DNASE2B: variants seen among roughly 807,000 people sequenced by gnomAD.
The protein encoded by DNASE2B is deoxyribonuclease 2 beta, also known as deoxyribonuclease-2-beta.
In DNASE2B, 43 loss-of-function variants were observed where a neutral mutation model predicts 46.0. The observed-to-expected ratio is 0.94, with a 90% CI of 0.73 to 1.21. DNASE2B has a LOEUF of 1.21. Among genes scored for constraint, DNASE2B ranks in the 50% most tolerant of loss-of-function variants. DNASE2B has a pLI of 0.00. For synonymous variants in DNASE2B, 156 were observed against 152.5 expected (o/e 1.02, Z -0.17); for missense variants, 395 against 414.4 (o/e 0.95, Z 0.41).
intron 2 of DNASE2B, among the ~76,000 whole-genome samples, chr1:84,406,286 A>T (rs1680489235): frequency 6.6e-6 from 1 of 152,176 alleles, no homozygotes; most frequent in Admixed American, 6.5e-5. Context: ...GTTCCTTTCC[A>T]CATCAACGAG....
At chr1:84,411,068 AAATGTGT>A in intron 4 of DNASE2B, 69 bp downstream of exon 4, 1 of 1,465,290 alleles carries the variant, frequency 6.8e-7, no homozygotes, top group Non-Finnish European at 9.3e-7. Flanking sequence ...ATATATTCAT[AAATGTGT>A]CACTTCATTT....
rs1167951705 is a variant in DNASE2B at position 84,411,018 on chromosome 1, A to AG, written c.547+20dup. On this transcript the variant is annotated intron_variant, in intron 4 of 5. Transcript: ENST00000370665. ...GCAATAGGTAAAACTAAAGTATGTG[A>AG]GAAAAAAAACGATAACTATGTTGAA... The AG allele has an allele frequency of 6.5e-7, 1 of 1,545,830 alleles. No individual in the cohort carries two copies. The highest frequency in any genetic ancestry group is 1.6e-5 in the African/African-American group (1 of 62,216).
intron 1 of DNASE2B, among the ~76,000 whole-genome samples, chr1:84,399,643 G>A (rs1431927527): frequency 6.6e-6 from 1 of 152,180 alleles, no homozygotes; most frequent in Non-Finnish European, 1.5e-5. Context: ...AAGGAGCAAT[G>A]AGGAGGTAGA....
chr1:84,398,730 C>T (rs1680349663), intron 1 of DNASE2B, 41 bp downstream of exon 1: 1 of 1,609,976 alleles, frequency 6.2e-7, no homozygotes, highest in African/African-American at 1.3e-5. Context: ...TGCAAACAGC[C>T]TCGGTACAGA....
intron 2 of DNASE2B, among the ~76,000 whole-genome samples, chr1:84,403,089 T>G (rs1680448034): frequency 6.6e-6 from 1 of 152,230 alleles, no homozygotes; most frequent in Non-Finnish European, 1.5e-5. Flanking sequence ...GTAGGCTATT[T>G]GAGAACATGT....
At chr1:84,406,067 G>T (rs1680486640) in intron 2 of DNASE2B, among the ~76,000 whole-genome samples, 1 of 149,828 alleles carries the variant, frequency 6.7e-6, no homozygotes. Flanking sequence ...TGGTTCATCT[G>T]TGAGTTTTTT....
Position 84,414,992 on chromosome 1 carries a change from C to T in DNASE2B, c.*124C>T, listed in dbSNP as rs536690001. 4 of 676,346 alleles carry T rather than the reference C, an allele frequency of 5.9e-6. No homozygotes were observed. The East Asian group carries it at 1.1e-4, about 19-fold the overall frequency. 41.9% of individuals were successfully genotyped at this position (676,346 alleles called of 1,614,324 possible). A position where few individuals can be genotyped will look rare whatever the true frequency, so the allele number is the denominator to read the frequency against. On this transcript the variant is annotated 3_prime_UTR_variant, in exon 6 of 6. Coordinates refer to ENST00000370665, the MANE Select transcript of DNASE2B (RefSeq NM_021233.3). ...ATAACCTGCATATCACAAAATAAAA[C>T]ATTTTTCTCTCATGTTTACCATTTA...
rs575571504 is a variant in DNASE2B, at chr1:84,411,986, C to T, written c.548-363C>T. Among the ~76,000 whole-genome samples, 647 of 152,110 alleles carry T rather than the reference C, an allele frequency of 4.3e-3. 6 individuals are homozygous for T. Among genetic ancestry groups the T allele is most frequent in the Non-Finnish European group, 6.1e-3 (414 of 68,004 alleles). The stretch of plus-strand genomic sequence containing the variant: ...TCTCCAAGGCCAAATTACCTGGGTT[C>T]GAATATCAATTTCATCAATTACAAA... On this transcript the variant is annotated intron_variant, in intron 4 of 5. Transcript: ENST00000370665.
Position 84,414,548 on chromosome 1 carries a change from G to A in DNASE2B, c.766G>A (p.Ala256Thr). Residue 256 changes from alanine (A) to threonine (T), a missense_variant, in exon 6 of 6, where the codon GCT becomes ACT. Ala to Thr is a moderately conservative substitution (Grantham distance 58). Coordinates refer to ENST00000370665, the MANE Select transcript of DNASE2B (RefSeq NM_021233.3). Reference sequence around the variant, plus strand: ...CCTAGACATCTTTGCAGCCTGGATGGCTCAACGGCTGAAGACACACTTGTT... The same window carrying A: ...CCTAGACATCTTTGCAGCCTGGATGACTCAACGGCTGAAGACACACTTGTT... The part of the protein sequence containing the change: ...FLDDIFAAWM[A>T]QRLKTHLLTE... 6.2e-7 allele frequency: 1 copy of A among 1,611,488 alleles called. No homozygotes were observed. The highest frequency in any genetic ancestry group is 8.5e-7 in the Non-Finnish European group (1 of 1,178,730).
Position 84,398,516 on chromosome 1 carries a change from T to A in DNASE2B, c.-49T>A. ...GCACAGCCTGAGAGCGCCTTGAAAC[T>A]CAGACTCCACAATCTATGGGGAAAG... On this transcript the variant is annotated 5_prime_UTR_variant, in exon 1 of 6. Coordinates refer to ENST00000370665, the MANE Select transcript of DNASE2B (RefSeq NM_021233.3). 1 of 1,606,158 alleles carries A rather than the reference T, an allele frequency of 6.2e-7. No individual in the cohort carries two copies. Among genetic ancestry groups the A allele is most frequent in the Non-Finnish European group, 8.5e-7 (1 of 1,175,034 alleles).
At chr1:84,412,577 G>A (rs1281770755) in intron 5 of DNASE2B, 31 bp downstream of exon 5, 1 of 1,544,402 alleles carries the variant, frequency 6.5e-7, no homozygotes, top group Non-Finnish European at 8.8e-7. Context: ...ACAACATGCT[G>A]TATAATTCTG....
intron 1 of DNASE2B, among the ~76,000 whole-genome samples, chr1:84,401,670 C>T (rs907133175): frequency 3.9e-5 from 6 of 152,166 alleles, no homozygotes; most frequent in Non-Finnish European, 7.3e-5. Context: ...AGGGACTCCA[C>T]CCACCAGTAT....
At chr1:84,409,478 A>C (rs1212238977) in intron 3 of DNASE2B, among the ~76,000 whole-genome samples, 2 of 152,196 alleles carry the variant, frequency 1.3e-5, no homozygotes, top group East Asian at 3.8e-4. Context: ...AGTTTAAAAA[A>C]TACTCTGCAA....
chr1:84,399,426 T>C (rs1680361811), intron 1 of DNASE2B, among the ~76,000 whole-genome samples: 3 of 152,176 alleles, frequency 2.0e-5, no homozygotes, highest in Admixed American at 2.0e-4. Flanking sequence ...CAGAGGTCTG[T>C]GTGGAGTTTT....
At chr1:84,403,093 A>G (rs1193983290) in intron 2 of DNASE2B, among the ~76,000 whole-genome samples, 1 of 152,228 alleles carries the variant, frequency 6.6e-6, no homozygotes, top group Non-Finnish European at 1.5e-5. Flanking sequence ...GCTATTTGAG[A>G]ACATGTGATG....
intron 2 of DNASE2B, among the ~76,000 whole-genome samples, chr1:84,402,284 CA>C (rs1680434610): frequency 6.6e-6 from 1 of 152,158 alleles, no homozygotes; most frequent in African/African-American, 2.4e-5. Context: ...ACAGCAATGC[CA>C]AATTTACTTG....
intron 5 of DNASE2B, 47 bp from the exon 6 acceptor site, chr1:84,414,481 C>A: frequency 1.3e-6 from 2 of 1,493,826 alleles, no homozygotes; most frequent in South Asian, 2.7e-5. Flanking sequence ...AGGGACTAAT[C>A]TAAGTGTAAA....
Position 84,410,839 on chromosome 1 carries a change from T to C in DNASE2B, c.387T>C (p.Gly129=). ...NYSRKYGHTK[G]LLLWNRVQGF... Reference sequence around the variant, plus strand: ...CTTTGTTAAATGTGTCTTTGGTAGGTTTACTGCTGTGGAACAGAGTTCAAG... The same window carrying C: ...CTTTGTTAAATGTGTCTTTGGTAGGCTTACTGCTGTGGAACAGAGTTCAAG... Residue 129 remains glycine (G), a splice_region_variant and synonymous_variant, in exon 4 of 6, where the codon GGT becomes GGC. Transcript: ENST00000370665. 6.2e-7 allele frequency: 1 copy of C among 1,611,974 alleles called. No homozygotes were observed. Among genetic ancestry groups the C allele is most frequent in the East Asian group, 2.2e-5 (1 of 44,858 alleles).
chr1:84,408,834 ATATG>A (rs1311422721), intron 3 of DNASE2B, among the ~76,000 whole-genome samples: 6 of 138,388 alleles, frequency 4.3e-5, no homozygotes, highest in East Asian at 4.3e-4. Context: ...ATATATATAT[ATATG>A]CACATGAATA....
Sources: gnomAD v4.1 joint callset for allele counts (sites outside exome capture counted in the v4.1 genomes callset) on GRCh38, gnomAD v4.1.1 for gene constraint, MANE v1.5 for transcripts, NCBI Gene and HGNC (gene_info 2026-07-23, HGNC 2026-07-21) for gene names.